The following ATAD2 variants were observed in gnomAD, a reference collection of about 807,000 sequenced individuals.
ATAD2 encodes ATPase family AAA domain-containing protein 2.
ATAD2 carries 62 observed loss-of-function variants against 168.9 expected under a neutral mutation model. The observed-to-expected ratio is 0.37, with a 90% CI of 0.30 to 0.45. The LOEUF (loss-of-function observed/expected upper bound fraction) is 0.45. Ranked by LOEUF, ATAD2 falls within the 20% of genes least tolerant of loss-of-function variation. The pLI, the probability that ATAD2 is intolerant of heterozygous loss-of-function variation, is 1.00. For missense variants in ATAD2, 1,419 were observed against 1,667.8 expected, an observed-to-expected ratio of 0.85 and a Z score of 2.60; for synonymous variants, 613 against 571.6, an observed-to-expected ratio of 1.07 and a Z score of -1.03.
intron 2 of ATAD2, among the ~76,000 whole-genome samples, chr8:123,376,611 T>A (rs1195750322): frequency 6.6e-6 from 1 of 152,034 alleles, no homozygotes; most frequent in Non-Finnish European, 1.5e-5. Flanking sequence ...CACTTTAGAA[T>A]TGTGAATTGT....
chr8:123,384,696 TTGGG>T (rs1829595325), intron 1 of ATAD2, among the ~76,000 whole-genome samples: 1 of 152,210 alleles, frequency 6.6e-6, no homozygotes, highest in African/African-American at 2.4e-5. Flanking sequence ...CATGAACTAA[TTGGG>T]TGGGTAAGGG....
chr8:123,393,859 G>A (rs1306357003), intron 1 of ATAD2, among the ~76,000 whole-genome samples: 1 of 152,070 alleles, frequency 6.6e-6, no homozygotes, highest in East Asian at 1.9e-4. Context: ...GGAAACTGCA[G>A]CAAGCCGAGA....
chr8:123,328,729 T>C, intron 24 of ATAD2, 150 bp from the exon 25 acceptor site: 1 of 809,680 alleles, frequency 1.2e-6, no homozygotes, highest in Middle Eastern at 3.8e-4. Context: ...TAGAGCATAC[T>C]GTGAGAAGGT....
chr8:123,412,273 C>T (rs1421841637), intron 1 of ATAD2, among the ~76,000 whole-genome samples: 1 of 152,134 alleles, frequency 6.6e-6, no homozygotes, highest in African/African-American at 2.4e-5. Context: ...ATTTAAGTCA[C>T]TAATATTTTT....
At chr8:123,408,517 C>T (rs1046794691) in intron 1 of ATAD2, among the ~76,000 whole-genome samples, 1 of 152,168 alleles carries the variant, frequency 6.6e-6, no homozygotes, top group Non-Finnish European at 1.5e-5. Context: ...CCCTCCCCTC[C>T]CTTTCCTTTC....
intron 1 of ATAD2, among the ~76,000 whole-genome samples, chr8:123,403,109 A>T (rs978514532): frequency 6.6e-6 from 1 of 152,144 alleles, no homozygotes; most frequent in African/African-American, 2.4e-5. Flanking sequence ...TGTTGTTTTG[A>T]GAAAGGGTCT....
At chr8:123,334,414 CT>C in intron 22 of ATAD2, 92 bp from the exon 23 acceptor site, 1 of 1,178,448 alleles carries the variant, frequency 8.5e-7, no homozygotes, top group Non-Finnish European at 1.1e-6. Context: ...GATAGTAGCT[CT>C]TACAATTCCT....
chr8:123,409,500 G>T (rs1323258431), intron 1 of ATAD2, among the ~76,000 whole-genome samples: 1 of 152,052 alleles, frequency 6.6e-6, no homozygotes, highest in Non-Finnish European at 1.5e-5. Flanking sequence ...TTGCCAATTT[G>T]TTTTTCTTTT....
intron 1 of ATAD2, among the ~76,000 whole-genome samples, chr8:123,390,996 G>A (rs1273777462): frequency 1.3e-5 from 2 of 151,860 alleles, no homozygotes; most frequent in African/African-American, 4.8e-5. Context: ...TTCTAGCCTG[G>A]GCGACAAAAG....
intron 17 of ATAD2, 39 bp from the exon 18 acceptor site, chr8:123,346,311 A>G (rs1393630510): frequency 6.7e-7 from 1 of 1,499,898 alleles, no homozygotes; most frequent in Non-Finnish European, 8.9e-7. Context: ...TTTTAGAAAA[A>G]ACAGTTTAAA....
chr8:123,333,290 G>A (rs1011427909), intron 24 of ATAD2, among the ~76,000 whole-genome samples: 2 of 124,666 alleles, frequency 1.6e-5, no homozygotes, highest in Admixed American at 1.8e-4. Context: ...GGTGCCTATA[G>A]TCCCAGCTAC....
At position 123,342,049 on chromosome 8, in the gene ATAD2, A is replaced by T. The variant is rs112573800; in HGVS notation, c.2719-2603T>A. ...TGCAGTGAGCCAAGATCGCACCCCT[A>T]CGCTGCTAGCCTAGGCAACACAGTG... On this transcript the variant is annotated intron_variant, in intron 19 of 27. Coordinates refer to ENST00000287394, the MANE Select transcript of ATAD2 (RefSeq NM_014109.4). Among the ~76,000 whole-genome samples, 225 of 152,292 alleles carry T rather than the reference A, an allele frequency of 1.5e-3. 3 individuals are homozygous for T. The highest frequency in any genetic ancestry group is 5.1e-3 in the African/African-American group (210 of 41,564).
At chr8:123,350,987 A>G (rs1286475860) in intron 13 of ATAD2, among the ~76,000 whole-genome samples, 5 of 151,738 alleles carry the variant, frequency 3.3e-5, no homozygotes. Flanking sequence ...CTGCCTGCCT[A>G]GGACTCCCAA....
At chr8:123,333,329 G>A (rs1392931597) in intron 24 of ATAD2, among the ~76,000 whole-genome samples, 2 of 137,054 alleles carry the variant, frequency 1.5e-5, no homozygotes, top group Non-Finnish European at 3.0e-5. Context: ...AGAATGGCAT[G>A]AACCCGGGAC....
At chr8:123,380,405 T>G in intron 2 of ATAD2, 124 bp downstream of exon 2, 1 of 1,045,406 alleles carries the variant, frequency 9.6e-7, no homozygotes, top group Non-Finnish European at 1.4e-6. Context: ...TATTTTCAAA[T>G]AAACTACATT....
Position 123,339,334 on chromosome 8 carries a change from G to C in ATAD2, c.2831C>G (p.Pro944Arg). ...EDLILKQAAKPPISKKKAVLQ... is the reference protein window; with the variant it reads ...EDLILKQAAKRPISKKKAVLQ... ...ACCTGCTTTCTTTTTTGATATAGGA[G>C]GCTTAGCAGCTTGTTTTAGAATTAA... The change falls in exon 20 of 28, where the codon CCT becomes CGT. Residue 944 changes from proline to arginine, a missense_variant. Physicochemically the swap from Pro to Arg is moderately radical, Grantham distance 103 (BLOSUM62 -2). Coordinates refer to ENST00000287394, the MANE Select transcript of ATAD2 (RefSeq NM_014109.4). The C allele has an allele frequency of 1.9e-6, 3 of 1,586,894 alleles. No individual in the cohort carries two copies. The highest frequency in any genetic ancestry group is 2.6e-6 in the Non-Finnish European group (3 of 1,164,202).
chr8:123,415,920 C>T (rs1337149498), intron 1 of ATAD2, among the ~76,000 whole-genome samples: 1 of 152,176 alleles, frequency 6.6e-6, no homozygotes, highest in Non-Finnish European at 1.5e-5. Flanking sequence ...AATATGGTGT[C>T]TTTTCTTCCA....
intron 13 of ATAD2, among the ~76,000 whole-genome samples, chr8:123,351,247 G>A (rs1828447718): frequency 1.3e-5 from 2 of 151,976 alleles, no homozygotes; most frequent in South Asian, 4.1e-4. Context: ...TTATCTTACT[G>A]CTTGAGTGGC....
intron 1 of ATAD2, among the ~76,000 whole-genome samples, chr8:123,403,084 A>C (rs377172428): frequency 6.6e-6 from 1 of 152,226 alleles, no homozygotes; most frequent in East Asian, 1.9e-4. Context: ...AGAGCACAAT[A>C]GAGAGGGGTT....
Sources: gnomAD v4.1 joint callset for allele counts (sites outside exome capture counted in the v4.1 genomes callset) on GRCh38, gnomAD v4.1.1 for gene constraint, MANE v1.5 for transcripts, NCBI Gene and HGNC (gene_info 2026-07-23, HGNC 2026-07-21) for gene names.